PAN3: variants seen among roughly 807,000 people sequenced by gnomAD.
PAN3 encodes the protein poly(A) specific ribonuclease subunit PAN3.
Under a neutral mutation model 96.2 loss-of-function variants are expected in PAN3, and 19 were observed. That is an observed-to-expected ratio of 0.20 (90% confidence interval 0.14 to 0.29). PAN3 has a LOEUF of 0.29. Ranked by LOEUF, PAN3 falls within the 10% of genes least tolerant of loss-of-function variation. The pLI is 1.00. For synonymous variants in PAN3, 433 were observed against 406.6 expected (o/e 1.06, Z -0.78); for missense variants, 882 against 1,108.1 (o/e 0.80, Z 2.90).
intron 6 of PAN3, among the ~76,000 whole-genome samples, chr13:28,246,576 C>G (rs1288946044): frequency 6.6e-6 from 1 of 152,114 alleles, no homozygotes; most frequent in Non-Finnish European, 1.5e-5. Context: ...TTCAGTCCCC[C>G]ACCCACCAAC....
chr13:28,221,472 G>T (rs1031642168), intron 6 of PAN3, among the ~76,000 whole-genome samples: 4 of 152,066 alleles, frequency 2.6e-5, no homozygotes, highest in Non-Finnish European at 5.9e-5. Context: ...GTAAATCGTT[G>T]ATTTAAATAC....
At chr13:28,147,573 T>C (rs1307276655) in intron 1 of PAN3, among the ~76,000 whole-genome samples, 1 of 152,340 alleles carries the variant, frequency 6.6e-6, no homozygotes, top group African/African-American at 2.4e-5. Context: ...CACAGTATAC[T>C]GTATCAGTTG....
chr13:28,280,564 T>TA (rs757923061), intron 16 of PAN3, 23 bp downstream of exon 16: 10 of 1,545,074 alleles, frequency 6.5e-6, no homozygotes, highest in South Asian at 1.2e-5. Context: ...AATTTTTTTT[T>TA]TTTTTTTTTT....
rs532289546 is a variant in PAN3 at position 28,289,647 on chromosome 13, C to T, written c.2523+1525C>T. Among the ~76,000 whole-genome samples the T allele has an allele frequency of 2.5e-3, 379 of 152,236 alleles. 3 individuals are homozygous for T. The highest frequency in any genetic ancestry group is 8.7e-3 in the African/African-American group (363 of 41,548). ...CTGTAATCCCAGCACTTTGGGAGGC[C>T]ACGGCGGGCGGATCACGAGGTCAGG... is the stretch of plus-strand genomic sequence containing the variant. On this transcript the variant is annotated intron_variant, in intron 18 of 18. Transcript: ENST00000380958.
intron 5 of PAN3, among the ~76,000 whole-genome samples, chr13:28,209,855 A>G (rs1271763368): frequency 6.6e-6 from 1 of 151,826 alleles, no homozygotes; most frequent in Non-Finnish European, 1.5e-5. Context: ...ATCACAGCTC[A>G]CTGTAGCCTT....
chr13:28,258,547 C>T (rs1336424573), intron 7 of PAN3, among the ~76,000 whole-genome samples: 5 of 152,124 alleles, frequency 3.3e-5, no homozygotes, highest in African/African-American at 7.2e-5. Flanking sequence ...AAACTGCTGA[C>T]CTAGAGTAGG....
At chr13:28,218,932 C>T (rs1013826160) in intron 5 of PAN3, among the ~76,000 whole-genome samples, 2 of 152,148 alleles carry the variant, frequency 1.3e-5, no homozygotes, top group Admixed American at 6.5e-5. Flanking sequence ...TTATCTTGAC[C>T]CTCAACTTCT....
intron 6 of PAN3, among the ~76,000 whole-genome samples, chr13:28,233,451 G>A (rs937079012): frequency 3.3e-5 from 5 of 151,932 alleles, no homozygotes; most frequent in African/African-American, 9.7e-5. Context: ...ATTTTTAGTA[G>A]AGATGGGGTT....
chr13:28,280,272 GAACTT>G, intron 15 of PAN3, 135 bp from the exon 16 acceptor site: 1 of 985,550 alleles, frequency 1.0e-6, no homozygotes, highest in South Asian at 1.9e-5. Context: ...ATTTAAGAAT[GAACTT>G]GACTTGCATG....
intron 4 of PAN3, among the ~76,000 whole-genome samples, chr13:28,182,032 T>C (rs776585108): frequency 9.2e-5 from 14 of 152,236 alleles, no homozygotes; most frequent in Admixed American, 2.0e-4. Context: ...ACCACTGTTA[T>C]GAAAAGAAGT....
rs892307746 is a variant in PAN3 at position 28,286,600 on chromosome 13, G to C, written c.2385-1384G>C. On this transcript the variant is annotated intron_variant, in intron 17 of 18. Coordinates refer to ENST00000380958, the MANE Select transcript of PAN3 (RefSeq NM_175854.8). Reference sequence around the variant, plus strand: ...GTAGAATTAGGGTTCAGTTTTGTCAGGTCTACTAAGTCATCCCACTTACCT... The same window carrying C: ...GTAGAATTAGGGTTCAGTTTTGTCACGTCTACTAAGTCATCCCACTTACCT... Among the ~76,000 whole-genome samples, 8 of 152,222 alleles carry C rather than the reference G, an allele frequency of 5.3e-5. No individual in the cohort carries two copies. In the East Asian group the frequency reaches 1.5e-3, roughly 29 times the overall value.
chr13:28,262,389 A>G (rs1035557639), intron 9 of PAN3, among the ~76,000 whole-genome samples: 1 of 152,216 alleles, frequency 6.6e-6, no homozygotes, highest in Non-Finnish European at 1.5e-5. Flanking sequence ...TAAAGATCTC[A>G]AAATGCCTGC....
intron 9 of PAN3, among the ~76,000 whole-genome samples, chr13:28,263,799 TA>T (rs1885931103): frequency 6.6e-6 from 1 of 152,242 alleles, no homozygotes. Flanking sequence ...TAAAATACTT[TA>T]AAAAATAAAA....
intron 1 of PAN3, among the ~76,000 whole-genome samples, chr13:28,156,236 C>T (rs1442358399): frequency 6.6e-6 from 1 of 152,078 alleles, no homozygotes; most frequent in Non-Finnish European, 1.5e-5. Context: ...ACATTACCAC[C>T]TACCCCACAG....
chr13:28,144,829 T>G (rs1175053831), intron 1 of PAN3, among the ~76,000 whole-genome samples: 1 of 129,822 alleles, frequency 7.7e-6, no homozygotes, highest in Non-Finnish European at 1.5e-5. Context: ...CAAGCGGTTC[T>G]CCTGCCTCAG....
chr13:28,164,182 A>G (rs1873246695), intron 1 of PAN3, among the ~76,000 whole-genome samples: 2 of 152,234 alleles, frequency 1.3e-5, no homozygotes, highest in East Asian at 1.9e-4. Flanking sequence ...TAATAACTGT[A>G]TAGAGTTATA....
chr13:28,215,791 A>C, intron 5 of PAN3: 1 of 1,404,082 alleles, frequency 7.1e-7, no homozygotes, highest in Non-Finnish European at 1.0e-6. Flanking sequence ...GCTGTTGGTG[A>C]TGTGAGACAG....
intron 6 of PAN3, among the ~76,000 whole-genome samples, chr13:28,233,336 G>A (rs958355907): frequency 2.1e-4 from 32 of 149,804 alleles, no homozygotes; most frequent in Admixed American, 1.6e-3. Context: ...GCATGATCTC[G>A]GCTCACTGCA....
chr13:28,184,818 C>T (rs1876254034), intron 4 of PAN3, among the ~76,000 whole-genome samples: 1 of 151,930 alleles, frequency 6.6e-6, no homozygotes, highest in South Asian at 2.1e-4. Context: ...TTCTCATTTC[C>T]TATTGGGCTA....
Sources: allele counts gnomAD v4.1 joint callset (sites outside exome capture counted in the v4.1 genomes callset), GRCh38; gene constraint gnomAD v4.1.1; transcripts MANE v1.5; gene names NCBI Gene and HGNC (gene_info 2026-07-23, HGNC 2026-07-21).